The following USH2A variants were observed in gnomAD, a reference collection of about 807,000 sequenced individuals.
USH2A encodes the protein usherin.
USH2A carries 443 observed loss-of-function variants against 538.9 expected under a neutral mutation model. The observed-to-expected ratio is 0.82, with a 90% confidence interval of 0.76 to 0.89. USH2A has a LOEUF of 0.89. Among genes scored for constraint, USH2A ranks in the 40% least tolerant of loss-of-function variants. USH2A has a pLI of 0.00. For missense variants in USH2A, 6,633 were observed against 6,324.8 expected (o/e 1.05, Z -1.65); for synonymous variants, 2,413 against 2,273.5 (o/e 1.06, Z -1.75).
intron 43 of USH2A, among the ~76,000 whole-genome samples, chr1:215,874,349 G>A (rs1489025657): frequency 6.6e-6 from 1 of 152,130 alleles, no homozygotes; most frequent in Non-Finnish European, 1.5e-5. Flanking sequence ...AGCAAAATTC[G>A]ATAATGAGGC....
At chr1:215,946,297 T>C (rs751799682) in intron 37 of USH2A, among the ~76,000 whole-genome samples, 2 of 152,206 alleles carry the variant, frequency 1.3e-5, no homozygotes, top group Non-Finnish European at 2.9e-5. Flanking sequence ...TTTTTCTCAA[T>C]ATAGGTGTTC....
At chr1:216,055,596 C>A (rs1001772212) in intron 30 of USH2A, among the ~76,000 whole-genome samples, 1 of 152,088 alleles carries the variant, frequency 6.6e-6, no homozygotes, top group Non-Finnish European at 1.5e-5. Flanking sequence ...CACAGTGATC[C>A]CATGAAACTG....
intron 43 of USH2A, among the ~76,000 whole-genome samples, chr1:215,874,549 G>C (rs1255892317): frequency 6.6e-6 from 1 of 152,150 alleles, no homozygotes; most frequent in Non-Finnish European, 1.5e-5. Flanking sequence ...AAATTAAATT[G>C]GTGCTTTTCT....
chr1:216,196,631 T>C lies in USH2A; in HGVS notation c.4173A>G (p.Arg1391=), dbSNP rs936147025. 2 of 1,613,622 alleles carry C rather than the reference T, an allele frequency of 1.2e-6. No individual in the cohort carries two copies. The highest frequency in any genetic ancestry group is 1.3e-5 in the African/African-American group (1 of 75,024). Residue 1391 remains arginine, a synonymous_variant, in exon 19 of 72, where the codon AGA becomes AGG. Transcript: ENST00000307340. The stretch of plus-strand genomic sequence containing the variant: ...TGATGTCATACCCCACAACTTTTCC[T>C]CTTGTAACATTATCTGCTGGCTTCT... ...SWEKPADNVT[R]GKVVGYDINM...
rs111033379 is a variant in USH2A at position 215,782,873 on chromosome 1, G to A, written c.10450C>T (p.Arg3484Ter). ...YRISAWNSYGRGLSKAVRART... is the reference protein window; with the variant it reads ...YRISAWNSYG Reference sequence around the variant, plus strand: ...GCTCTCACAGCTTTGCTGAGTCCTCGCCCATAGCTGTTCCAGGCAGAAATC... The same window carrying A: ...GCTCTCACAGCTTTGCTGAGTCCTCACCCATAGCTGTTCCAGGCAGAAATC... The change falls in exon 53 of 72, where the codon CGA becomes TGA. Residue 3484 changes from arginine to a stop codon, truncating the protein, a stop_gained. Coordinates refer to ENST00000307340, the MANE Select transcript of USH2A (RefSeq NM_206933.4). LOFTEE classifies it high-confidence loss of function. The A allele has an allele frequency of 1.9e-5, 30 of 1,613,748 alleles. No homozygotes were observed. The highest frequency in any genetic ancestry group is 5.0e-5 in the Admixed American group (3 of 59,952).
At chr1:216,218,475 T>A (rs2035388564) in intron 14 of USH2A, among the ~76,000 whole-genome samples, 1 of 152,108 alleles carries the variant, frequency 6.6e-6, no homozygotes, top group Non-Finnish European at 1.5e-5. Context: ...TAAAACAACA[T>A]CAAATGGATT....
At chr1:215,803,423 AC>A (rs1662399932) in intron 49 of USH2A, among the ~76,000 whole-genome samples, 1 of 152,204 alleles carries the variant, frequency 6.6e-6, no homozygotes, top group Non-Finnish European at 1.5e-5. Context: ...CTGATAGGCA[AC>A]TTCAGCAAAG....
At chr1:216,259,517 A>T (rs2036325377) in intron 11 of USH2A, among the ~76,000 whole-genome samples, 1 of 152,094 alleles carries the variant, frequency 6.6e-6, no homozygotes, top group Non-Finnish European at 1.5e-5. Flanking sequence ...GGAAGACAAA[A>T]CTAAGGGATA....
chr1:216,383,309 C>T (rs547437251), intron 3 of USH2A, among the ~76,000 whole-genome samples: 18 of 152,200 alleles, frequency 1.2e-4, no homozygotes, highest in African/African-American at 3.9e-4. Flanking sequence ...ACATCACTGG[C>T]CATGTTCCTT....
chr1:215,724,092 AT>A (rs1181964731), intron 61 of USH2A, among the ~76,000 whole-genome samples: 3 of 151,926 alleles, frequency 2.0e-5, no homozygotes, highest in African/African-American at 7.3e-5. Flanking sequence ...CTATATCTAT[AT>A]CTATATCATC....
chr1:215,732,138 A>C (rs1230149702), intron 60 of USH2A, among the ~76,000 whole-genome samples: 1 of 152,246 alleles, frequency 6.6e-6, no homozygotes, highest in Non-Finnish European at 1.5e-5. Context: ...AGTTTACGTA[A>C]GAATAAATGC....
chr1:216,114,883 T>C (rs1404790384), intron 21 of USH2A, among the ~76,000 whole-genome samples: 1 of 152,100 alleles, frequency 6.6e-6, no homozygotes, highest in Non-Finnish European at 1.5e-5. Flanking sequence ...AAGTTTTAAG[T>C]TAAAATGTAT....
At chr1:215,717,639 G>T (rs1659523013) in intron 61 of USH2A, among the ~76,000 whole-genome samples, 2 of 152,310 alleles carry the variant, frequency 1.3e-5, no homozygotes, top group Middle Eastern at 3.4e-3. Context: ...GGACCAAGTA[G>T]ATTCTCAAAA....
Position 216,418,514 on chromosome 1 carries a change from C to A in USH2A, c.651G>T (p.Gln217His), listed in dbSNP as rs758696021. The A allele has an allele frequency of 8.7e-6, 14 of 1,612,716 alleles. No individual in the cohort carries two copies. The Admixed American group carries it at 2.3e-4, about 27-fold the overall frequency. ...LVKKWIHLSV[Q>H]VHQTKISFFI... The stretch of plus-strand genomic sequence containing the variant: ...GTTAAATATTTTTTATTTTACTCAC[C>A]TGCACACTAAGATGAATCCATTTCT... The change falls in exon 3 of 72, where the codon CAG becomes CAT. Residue 217 changes from glutamine (Q) to histidine (H), a missense_variant and splice_region_variant. By Grantham distance (24) the Gln-to-His change is conservative. Transcript: ENST00000307340.
chr1:216,372,453 T>G (rs1434361723), intron 3 of USH2A, among the ~76,000 whole-genome samples: 1 of 152,132 alleles, frequency 6.6e-6, no homozygotes. Context: ...CTGGGTATGA[T>G]TCTCTGGATT....
At position 215,741,464 on chromosome 1, in the gene USH2A, A is replaced by G. The variant is rs1046946939; in HGVS notation, c.11622T>C (p.Val3874=). ...TGCAAGCTGACCCCAGTGCCTTAAG[A>G]ACAGGAGAATTAAGATCCATTGGGG... ...EAAPMDLNSP[V]LKALGSACIE... The change falls in exon 60 of 72, where the codon GTT becomes GTC. Residue 3874 remains valine, a synonymous_variant. Coordinates refer to ENST00000307340, the MANE Select transcript of USH2A (RefSeq NM_206933.4). The G allele has an allele frequency of 6.8e-6, 11 of 1,613,960 alleles. No individual in the cohort carries two copies. Among genetic ancestry groups the G allele is most frequent in the Non-Finnish European group, 9.3e-6 (11 of 1,180,016 alleles).
At chr1:215,957,690 C>CT (rs1356583923) in intron 37 of USH2A, among the ~76,000 whole-genome samples, 2 of 152,164 alleles carry the variant, frequency 1.3e-5, no homozygotes, top group Non-Finnish European at 2.9e-5. Flanking sequence ...CCCTTTTCTC[C>CT]TCCTCTCTTT....
At chr1:215,912,497 A>ATATATATATG (rs1558158033) in intron 38 of USH2A, among the ~76,000 whole-genome samples, 3 of 23,072 alleles carry the variant, frequency 1.3e-4, no homozygotes, top group African/African-American at 2.9e-4. Flanking sequence ...ATATGTGTAT[A>ATATATATATG]TATATATATA....
At chr1:215,901,692 A>G (rs1665506277) in intron 38 of USH2A, among the ~76,000 whole-genome samples, 1 of 152,152 alleles carries the variant, frequency 6.6e-6, no homozygotes, top group Non-Finnish European at 1.5e-5. Context: ...TAGAAGGCCT[A>G]ACAGGAATGT....
Sources: allele counts gnomAD v4.1 joint callset (sites outside exome capture counted in the v4.1 genomes callset), GRCh38; gene constraint gnomAD v4.1.1; transcripts MANE v1.5; gene names NCBI Gene and HGNC (gene_info 2026-07-23, HGNC 2026-07-21).